The following MED12L variants were observed in gnomAD, a reference collection of about 807,000 sequenced individuals.
MED12L encodes mediator of RNA polymerase II transcription subunit 12-like protein.
MED12L carries 60 observed loss-of-function variants against 281.3 expected under a neutral mutation model. The ratio of observed to expected loss-of-function variants is 0.21; its 90% CI spans 0.17 to 0.26. The LOEUF (loss-of-function observed/expected upper bound fraction) is 0.26, where lower values mean the gene tolerates loss of function less well. MED12L is among the 10% of genes least tolerant of loss of function. MED12L has a pLI of 1.00. For missense variants in MED12L, 2,146 were observed against 2,680.9 expected, an observed-to-expected ratio of 0.80 and a Z score of 4.41; for synonymous variants, 974 against 987.2, an observed-to-expected ratio of 0.99 and a Z score of 0.25.
intron 13 of MED12L, among the ~76,000 whole-genome samples, chr3:151,188,716 G>A (rs546151662): frequency 6.6e-6 from 1 of 152,280 alleles, no homozygotes; most frequent in Non-Finnish European, 1.5e-5. Flanking sequence ...ACTCCTTCAT[G>A]TAAGGAAGTA....
chr3:151,156,303 C>T lies in MED12L; in HGVS notation c.699C>T (p.Asn233=), dbSNP rs139834258. ...VEQAMKQWEY[N]EKLAFHMFQE... The stretch of plus-strand genomic sequence containing the variant: ...AAGCCATGAAGCAATGGGAATACAA[C>T]GAAAAGCTAGCATTTCACATGTTCC... Residue 233 remains asparagine, a synonymous_variant, in exon 6 of 45, where the codon AAC becomes AAT. Coordinates refer to ENST00000687756, the MANE Select transcript of MED12L (RefSeq NM_001393769.1). 5.5e-5 allele frequency: 89 copies of T among 1,610,338 alleles called. No homozygotes were observed. Among genetic ancestry groups the T allele is most frequent in the South Asian group, 8.9e-5 (8 of 90,292 alleles).
intron 36 of MED12L, among the ~76,000 whole-genome samples, chr3:151,386,722 C>T (rs1340042934): frequency 2.0e-5 from 3 of 151,954 alleles, no homozygotes; most frequent in African/African-American, 7.3e-5. Flanking sequence ...ATTACAGGTG[C>T]CTGCCATCAT....
At chr3:151,318,585 C>T (rs1044590991) in intron 16 of MED12L, among the ~76,000 whole-genome samples, 3 of 152,074 alleles carry the variant, frequency 2.0e-5, no homozygotes, top group African/African-American at 7.2e-5. Flanking sequence ...TCTCTTATGG[C>T]CCCCATAAAA....
intron 37 of MED12L, among the ~76,000 whole-genome samples, chr3:151,388,987 T>C (rs6765412): frequency 0.072 from 10,974 of 152,300 alleles, 549 homozygotes; most frequent in Middle Eastern, 0.18. Context: ...ATATTCATGA[T>C]TGGTTATTGT....
intron 12 of MED12L, among the ~76,000 whole-genome samples, chr3:151,187,034 A>G (rs1723378946): frequency 6.6e-6 from 1 of 152,210 alleles, no homozygotes; most frequent in Non-Finnish European, 1.5e-5. Context: ...CATTTTATAG[A>G]CATTTTTCTC....
intron 26 of MED12L, among the ~76,000 whole-genome samples, chr3:151,371,456 G>A (rs997326230): frequency 6.6e-6 from 1 of 152,136 alleles, no homozygotes; most frequent in Non-Finnish European, 1.5e-5. Flanking sequence ...CTTTGTGTTT[G>A]TATTTTAATG....
intron 21 of MED12L, 102 bp from the exon 22 acceptor site, chr3:151,364,877 A>G (rs1015986941): frequency 1.3e-6 from 1 of 784,812 alleles, no homozygotes; most frequent in Non-Finnish European, 2.2e-6. Context: ...TTCTCTAGGA[A>G]TGCATTACAG....
intron 16 of MED12L, chr3:151,248,756 A>G (rs1736258120): frequency 6.6e-6 from 1 of 152,122 alleles, no homozygotes. Context: ...CTGTGACTCC[A>G]TCCATTAAAA....
At chr3:151,086,480 G>GTTT (rs549111086) in intron 1 of MED12L, 194 of 142,696 alleles carry the variant, frequency 1.4e-3, no homozygotes, top group African/African-American at 4.6e-3. Flanking sequence ...GCCAAGAAAA[G>GTTT]TTTTTTTTTT....
intron 3 of MED12L, among the ~76,000 whole-genome samples, chr3:151,120,191 A>G (rs1210333726): frequency 6.6e-6 from 1 of 151,846 alleles, no homozygotes; most frequent in Admixed American, 6.6e-5. Flanking sequence ...ACACCAGTGC[A>G]TTCTAGCCTG....
intron 16 of MED12L, among the ~76,000 whole-genome samples, chr3:151,285,614 C>G (rs904652531): frequency 6.6e-6 from 1 of 151,948 alleles, no homozygotes; most frequent in African/African-American, 2.4e-5. Flanking sequence ...GCACCAAAAT[C>G]TCAAAAATCA....
chr3:151,313,290 A>G (rs1298776670), intron 16 of MED12L, among the ~76,000 whole-genome samples: 1 of 152,196 alleles, frequency 6.6e-6, no homozygotes, highest in Non-Finnish European at 1.5e-5. Context: ...GCAGGGGATC[A>G]TGCACCCAAG....
intron 27 of MED12L, among the ~76,000 whole-genome samples, chr3:151,373,490 C>A (rs1383001695): frequency 6.6e-6 from 1 of 152,016 alleles, no homozygotes; most frequent in Non-Finnish European, 1.5e-5. Flanking sequence ...TTTAACTCCC[C>A]CACCCCTCAT....
chr3:151,350,610 G>T (rs1238533771), intron 17 of MED12L, among the ~76,000 whole-genome samples: 4 of 151,698 alleles, frequency 2.6e-5, no homozygotes, highest in African/African-American at 7.3e-5. Context: ...CTTGTGGTTA[G>T]TTTTTTTTCT....
intron 16 of MED12L, among the ~76,000 whole-genome samples, chr3:151,239,178 A>G (rs1733563660): frequency 6.6e-6 from 1 of 152,236 alleles, no homozygotes; most frequent in African/African-American, 2.4e-5. Flanking sequence ...AATGTATTTT[A>G]TCTACATGAC....
At chr3:151,413,094 G>A in intron 41 of MED12L, 45 bp from the exon 42 acceptor site, 1 of 1,581,446 alleles carries the variant, frequency 6.3e-7, no homozygotes, top group Non-Finnish European at 8.6e-7. Context: ...TTAAAAGTTT[G>A]ACATTATGCT....
At chr3:151,176,955 T>G (rs1307652644) in intron 11 of MED12L, among the ~76,000 whole-genome samples, 3 of 152,098 alleles carry the variant, frequency 2.0e-5, no homozygotes, top group Non-Finnish European at 4.4e-5. Flanking sequence ...CAGTCGAACC[T>G]ACTCTACACC....
chr3:151,093,610 T>C (rs1720346289), intron 2 of MED12L, among the ~76,000 whole-genome samples: 1 of 152,240 alleles, frequency 6.6e-6, no homozygotes, highest in South Asian at 2.1e-4. Flanking sequence ...CTTTCCTCCT[T>C]GAAGTTCTAA....
chr3:151,300,903 C>T (rs1745827852), intron 16 of MED12L, among the ~76,000 whole-genome samples: 1 of 152,108 alleles, frequency 6.6e-6, no homozygotes, highest in South Asian at 2.1e-4. Context: ...TGTGTGTGTC[C>T]TTCTCTTCTG....
Sources: gnomAD v4.1 joint callset for allele counts (sites outside exome capture counted in the v4.1 genomes callset) on GRCh38, gnomAD v4.1.1 for gene constraint, MANE v1.5 for transcripts, NCBI Gene and HGNC (gene_info 2026-07-23, HGNC 2026-07-21) for gene names.